Variants in PKNOX1 observed in about 807,000 individuals in gnomAD.
PKNOX1 encodes PBX/knotted 1 homeobox 1.
PKNOX1 carries 15 observed loss-of-function variants against 51.9 expected under a neutral mutation model. That is an observed-to-expected ratio of 0.29 (90% CI 0.19 to 0.45). The LOEUF (loss-of-function observed/expected upper bound fraction) is 0.45, where lower values mean the gene tolerates loss of function less well. PKNOX1 is among the 20% of genes least tolerant of loss of function. The probability of loss-of-function intolerance (pLI) is 1.00; values close to 1 mark genes in which losing one functional copy is unlikely to be tolerated. For synonymous variants in PKNOX1, 219 were observed against 211.1 expected (o/e 1.04, Z -0.32); for missense variants, 462 against 547.5 (o/e 0.84, Z 1.56).
rs755196370 is a variant in PKNOX1, at chr21:43,021,108, CA to C, written c.721-187del. ...TGAGTGACAGAGCAAGATCCTGTCT[CA>C]AAAAAAAGAAAGGCTGGTCATGTGG... On this transcript the variant is annotated intron_variant, in intron 7 of 10. Transcript: ENST00000291547. The surrounding 1 kb of genome is among the most constrained non-coding windows in gnomAD (Gnocchi z 4.6). 3.8e-4 allele frequency: 153 copies of C among 407,914 alleles called. No homozygotes were observed. The highest frequency in any genetic ancestry group is 6.0e-4 in the South Asian group (21 of 35,172). 25.3% of individuals were successfully genotyped at this position (407,914 alleles called of 1,614,324 possible).
rs61381629 is a variant in PKNOX1 at position 42,984,083 on chromosome 21, CGTGT to C, written c.-57+9442_-57+9445del. Among the ~76,000 whole-genome samples, 944 of 149,794 alleles carry C rather than the reference CGTGT, an allele frequency of 6.3e-3. 4 individuals are homozygous for C. The highest frequency in any genetic ancestry group is 0.012 in the East Asian group (62 of 5,022). ...ATGCATACGTGTGTGCGTGTGTGTG[CGTGT>C]GTGTGTGTGTGTGTGTGTGTGTTTT... On this transcript the variant is annotated intron_variant, in intron 1 of 10. Transcript: ENST00000291547.
chr21:42,985,207 G>A (rs545561142), intron 1 of PKNOX1, among the ~76,000 whole-genome samples: 2 of 152,042 alleles, frequency 1.3e-5, no homozygotes, highest in East Asian at 3.9e-4. Context: ...GGCTGATCTC[G>A]AACTCCTCAC....
intron 5 of PKNOX1, among the ~76,000 whole-genome samples, chr21:43,014,499 T>A (rs550914926): frequency 6.6e-6 from 1 of 152,334 alleles, no homozygotes; most frequent in Non-Finnish European, 1.5e-5. Flanking sequence ...CCAGCCTTTT[T>A]AATTTTAATA....
chr21:43,010,945 A>G lies in PKNOX1; in HGVS notation c.351+721A>G, dbSNP rs574160578. Among the ~76,000 whole-genome samples, 52 of 152,178 alleles carry G rather than the reference A, an allele frequency of 3.4e-4. 1 individual carries two copies. Among genetic ancestry groups the G allele is most frequent in the African/African-American group, 1.2e-3 (48 of 41,536 alleles). On this transcript the variant is annotated intron_variant, in intron 4 of 10. Coordinates refer to ENST00000291547, the MANE Select transcript of PKNOX1 (RefSeq NM_004571.5). The stretch of plus-strand genomic sequence containing the variant: ...GACACGGGGATTCAGTTCTCTGCAC[A>G]GTGTTTGTAAAGGTCCGTAGGGCTG...
chr21:43,015,985 A>G (rs1979472925), intron 5 of PKNOX1, among the ~76,000 whole-genome samples: 1 of 151,938 alleles, frequency 6.6e-6, no homozygotes, highest in Admixed American at 6.6e-5. Flanking sequence ...TCTTTTTCTA[A>G]GATCTTAAGG....
At chr21:42,996,528 G>T (rs545813971) in intron 1 of PKNOX1, among the ~76,000 whole-genome samples, 1 of 151,742 alleles carries the variant, frequency 6.6e-6, no homozygotes, top group East Asian at 1.9e-4. Context: ...AGAAAGCCTA[G>T]ATGCTGAGAC....
chr21:42,993,315 G>A (rs2059098524), intron 1 of PKNOX1, among the ~76,000 whole-genome samples: 2 of 151,994 alleles, frequency 1.3e-5, no homozygotes, highest in Admixed American at 6.6e-5. Context: ...TGTCCGTCTC[G>A]CCTCCACAGG....
intron 1 of PKNOX1, among the ~76,000 whole-genome samples, chr21:42,993,659 GTTTTT>G (rs1396808385): frequency 8.0e-5 from 1 of 12,574 alleles, no homozygotes; most frequent in Non-Finnish European, 1.6e-4. Context: ...TGTTTTTTTT[GTTTTT>G]TTTTTTTTTT....
rs1979750165 is a variant in PKNOX1 at position 43,021,446 on chromosome 21, G to T, written c.849+15G>T. ...AGCACATCGGGGTAAGGACGGCTGG[G>T]CCAGCCCTTGCCTTGCAGCCCTCTG... On this transcript the variant is annotated intron_variant, in intron 8 of 10. Coordinates refer to ENST00000291547, the MANE Select transcript of PKNOX1 (RefSeq NM_004571.5). The surrounding 1 kb of genome is among the most constrained non-coding windows in gnomAD (Gnocchi z 4.6). The T allele has an allele frequency of 6.3e-7, 1 of 1,589,594 alleles. No homozygotes were observed. Among genetic ancestry groups the T allele is most frequent in the Non-Finnish European group, 8.6e-7 (1 of 1,166,110 alleles).
At chr21:42,992,873 G>C (rs1408548079) in intron 1 of PKNOX1, among the ~76,000 whole-genome samples, 1 of 148,312 alleles carries the variant, frequency 6.7e-6, no homozygotes, top group Non-Finnish European at 1.5e-5. Context: ...AGCATTGGGG[G>C]CTTCTTTGAT....
At chr21:43,020,380 C>T (rs1420623346) in intron 7 of PKNOX1, 1 of 152,314 alleles carries the variant, frequency 6.6e-6, no homozygotes, top group Non-Finnish European at 1.5e-5. Flanking sequence ...GGGAGGGAGA[C>T]GCTGTGTGAG....
At chr21:42,980,000 TACTG>T (rs1392245327) in intron 1 of PKNOX1, among the ~76,000 whole-genome samples, 1 of 152,228 alleles carries the variant, frequency 6.6e-6, no homozygotes, top group African/African-American at 2.4e-5. Context: ...GTGGTAATGA[TACTG>T]AGTACAATGC....
chr21:42,990,341 G>A (rs2146238900), intron 1 of PKNOX1, among the ~76,000 whole-genome samples: 1 of 152,298 alleles, frequency 6.6e-6, no homozygotes, highest in Middle Eastern at 3.4e-3. Context: ...CTGGGGTCTG[G>A]TCAGTCTGCA....
At chr21:43,007,379 C>A in intron 2 of PKNOX1, 112 bp from the exon 3 acceptor site, 1 of 898,852 alleles carries the variant, frequency 1.1e-6, no homozygotes, top group Non-Finnish European at 1.8e-6. Context: ...CATATGATTG[C>A]AGTCATACTG....
chr21:43,009,716 G>T (rs193217407), intron 3 of PKNOX1, among the ~76,000 whole-genome samples: 1 of 152,054 alleles, frequency 6.6e-6, no homozygotes, highest in African/African-American at 2.4e-5. Context: ...ACGGTCACAG[G>T]TTAGACGGTT....
intron 1 of PKNOX1, among the ~76,000 whole-genome samples, chr21:42,996,399 G>A (rs997465720): frequency 4.6e-5 from 7 of 152,004 alleles, no homozygotes; most frequent in African/African-American, 1.4e-4. Flanking sequence ...GTGGAAGGCC[G>A]CTAGCATCAC....
At chr21:42,978,360 C>T (rs2059008231) in intron 1 of PKNOX1, among the ~76,000 whole-genome samples, 1 of 151,766 alleles carries the variant, frequency 6.6e-6, no homozygotes, top group African/African-American at 2.4e-5. Context: ...TTTAAGTTTT[C>T]CTTTGTTCTG....
rs9325621 is a variant in PKNOX1, at chr21:43,030,260, AGTGTGTGTGTGT to A, written c.*181_*192del. On this transcript the variant is annotated 3_prime_UTR_variant, in exon 11 of 11. Transcript: ENST00000291547. ...TTTGCCGGTGCAGCGACTTCTTTCA[AGTGTGTGTGTGT>A]GTGTGTGTGTGTGTGTGTGTGCGTG... 0.024 allele frequency: 10,527 copies of A among 438,864 alleles called. 54 individuals carry two copies. Among genetic ancestry groups the A allele is most frequent in the Admixed American group, 0.049 (1,249 of 25,532 alleles). The allele number at this position is 438,864 out of a possible 1,614,324, so 27.2% of individuals were successfully genotyped here.
chr21:42,992,843 G>A (rs2839614), intron 1 of PKNOX1, among the ~76,000 whole-genome samples: 129,262 of 143,926 alleles, frequency 0.9, 58,136 homozygotes, highest in African/African-American at 0.91. Context: ...CCTTCCTCAC[G>A]GTATCGGGGG....
Sources: gnomAD v4.1 joint callset for allele counts (sites outside exome capture counted in the v4.1 genomes callset) on GRCh38, gnomAD v4.1.1 for gene constraint, Gnocchi (gnomAD v3.1) non-coding constraint, MANE v1.5 for transcripts, NCBI Gene and HGNC (gene_info 2026-07-23, HGNC 2026-07-21) for gene names.